ADAMTS18: variants seen among roughly 807,000 people sequenced by gnomAD.
The protein encoded by ADAMTS18 is A disintegrin and metalloproteinase with thrombospondin motifs 18.
ADAMTS18 carries 157 observed loss-of-function variants against 165.9 expected under a neutral mutation model. That is an observed-to-expected ratio of 0.95 (90% CI 0.83 to 1.08). The LOEUF (loss-of-function observed/expected upper bound fraction) is 1.08, where lower values mean the gene tolerates loss of function less well. Ranked by LOEUF, ADAMTS18 falls within the 50% of genes least tolerant of loss-of-function variation. ADAMTS18 has a pLI of 0.00. For synonymous variants in ADAMTS18, 782 were observed against 578.2 expected (o/e 1.35, Z -5.06); for missense variants, 2,040 against 1,534.0 (o/e 1.33, Z -5.51).
intron 11 of ADAMTS18, among the ~76,000 whole-genome samples, chr16:77,339,919 C>T (rs79635780): frequency 0.025 from 3,773 of 152,250 alleles, 64 homozygotes; most frequent in South Asian, 0.052. Flanking sequence ...AAATCTGTGC[C>T]TTTGCCTCTG....
intron 3 of ADAMTS18, among the ~76,000 whole-genome samples, chr16:77,427,062 T>G (rs564952459): frequency 2.6e-5 from 4 of 152,290 alleles, no homozygotes; most frequent in East Asian, 3.9e-4. Flanking sequence ...GTCTAACAAG[T>G]TCCAAAAATA....
intron 3 of ADAMTS18, among the ~76,000 whole-genome samples, chr16:77,421,493 C>T (rs532315839): frequency 2.2e-4 from 34 of 152,370 alleles, no homozygotes; most frequent in African/African-American, 7.7e-4. Flanking sequence ...ACCACTTTCT[C>T]TTAAACTGTT....
chr16:77,289,961 C>T (rs1430435227), intron 21 of ADAMTS18, among the ~76,000 whole-genome samples: 2 of 152,172 alleles, frequency 1.3e-5, no homozygotes, highest in Non-Finnish European at 1.5e-5. Context: ...GACAACTCAA[C>T]TGTCTTTCTT....
At chr16:77,289,628 C>G (rs568247158) in intron 21 of ADAMTS18, among the ~76,000 whole-genome samples, 1 of 152,340 alleles carries the variant, frequency 6.6e-6, no homozygotes, top group African/African-American at 2.4e-5. Context: ...TGCTATCTAT[C>G]TAGCCCAAGA....
chr16:77,422,251 C>G (rs1225526634), intron 3 of ADAMTS18, among the ~76,000 whole-genome samples: 1 of 152,050 alleles, frequency 6.6e-6, no homozygotes. Flanking sequence ...ATATAAAGCT[C>G]TCAGCCCCAC....
chr16:77,299,811 A>G (rs1029763759), intron 17 of ADAMTS18, among the ~76,000 whole-genome samples: 1 of 152,190 alleles, frequency 6.6e-6, no homozygotes, highest in African/African-American at 2.4e-5. Context: ...CTGAGGGGAT[A>G]TCCATGTTTC....
chr16:77,353,407 A>G (rs2144713219), intron 10 of ADAMTS18, among the ~76,000 whole-genome samples: 1 of 152,308 alleles, frequency 6.6e-6, no homozygotes, highest in Non-Finnish European at 1.5e-5. Flanking sequence ...TTAACAGGGA[A>G]TAGGATCATA....
rs1013637815 is a variant in ADAMTS18, at chr16:77,434,852, C to T, written c.-157G>A. ...ACATCGCAGCGGGGGCGCGCTGGGA[C>T]CTCCCCTCCTCCGGCCGCCTGCGCG... On this transcript the variant is annotated 5_prime_UTR_variant, in exon 1 of 23. Transcript: ENST00000282849. 5.6e-6 allele frequency: 3 copies of T among 533,994 alleles called. No individual in the cohort carries two copies. The highest frequency in any genetic ancestry group is 9.2e-5 in the Admixed American group (2 of 21,762). 33.1% of individuals were successfully genotyped at this position (533,994 alleles called of 1,614,324 possible). A position where few individuals can be genotyped will look rare whatever the true frequency, so the allele number is the denominator to read the frequency against.
chr16:77,365,376 A>G (rs965874101), intron 4 of ADAMTS18, among the ~76,000 whole-genome samples: 2 of 152,220 alleles, frequency 1.3e-5, no homozygotes, highest in Admixed American at 6.5e-5. Context: ...TCTAAATAAA[A>G]TGTAAACAGC....
chr16:77,361,198 A>G (rs2056708076), intron 7 of ADAMTS18, among the ~76,000 whole-genome samples: 1 of 152,298 alleles, frequency 6.6e-6, no homozygotes, highest in Admixed American at 6.5e-5. Context: ...TAGCTGCCAC[A>G]GAGACCTGTG....
At chr16:77,328,152 G>C (rs1481944342) in intron 12 of ADAMTS18, among the ~76,000 whole-genome samples, 1 of 152,012 alleles carries the variant, frequency 6.6e-6, no homozygotes, top group Non-Finnish European at 1.5e-5. Context: ...GATCTTGGTA[G>C]GCAGATTCTA....
chr16:77,433,370 G>A (rs1171833991), intron 2 of ADAMTS18: 1 of 152,278 alleles, frequency 6.6e-6, no homozygotes. Flanking sequence ...TTGTTTCCAA[G>A]GGGAGAATAA....
chr16:77,316,808 T>C (rs1237858759), intron 16 of ADAMTS18, among the ~76,000 whole-genome samples: 3 of 152,116 alleles, frequency 2.0e-5, no homozygotes, highest in Non-Finnish European at 2.9e-5. Flanking sequence ...TAGCTGGGAC[T>C]ACAGGCATGC....
chr16:77,311,065 G>C lies in ADAMTS18; in HGVS notation c.2532+8784C>G, dbSNP rs2055770594. Among the ~76,000 whole-genome samples the C allele has an allele frequency of 1.3e-5, 2 of 152,020 alleles. 1 individual carries two copies. Among genetic ancestry groups the C allele is most frequent in the Non-Finnish European group, 2.9e-5 (2 of 68,024 alleles). On this transcript the variant is annotated intron_variant, in intron 16 of 22. Transcript: ENST00000282849. ...GCAGATGAAAATGAAATTTAGCTAA[G>C]ATATGGGAAGAATATGATGTCATAC...
At chr16:77,339,185 C>T (rs2056359977) in intron 11 of ADAMTS18, among the ~76,000 whole-genome samples, 1 of 151,046 alleles carries the variant, frequency 6.6e-6, no homozygotes, top group Non-Finnish European at 1.5e-5. Flanking sequence ...TACAGTCTAA[C>T]AAGCAGCCAG....
Position 77,379,813 on chromosome 16 carries a change from G to C in ADAMTS18, c.496-12090C>G, listed in dbSNP as rs952514113. 3.3e-5 allele frequency among the ~76,000 whole-genome samples: 5 copies of C among 152,204 alleles called. No individual in the cohort carries two copies. The East Asian group carries it at 5.8e-4, about 18-fold the overall frequency. ...CCCCTATCTGTTTAAGATGAGTCAG[G>C]TAAAGGCCCTCCCCTTCCCAGTGAA... On this transcript the variant is annotated intron_variant, in intron 3 of 22. Coordinates refer to ENST00000282849, the MANE Select transcript of ADAMTS18 (RefSeq NM_199355.4).
chr16:77,402,708 A>G (rs2057346501), intron 3 of ADAMTS18, among the ~76,000 whole-genome samples: 1 of 152,226 alleles, frequency 6.6e-6, no homozygotes, highest in African/African-American at 2.4e-5. Context: ...CATTTTCACA[A>G]AACAAAGTGA....
chr16:77,355,202 TTGTGTGTG>T (rs141620918), intron 9 of ADAMTS18, among the ~76,000 whole-genome samples: 155 of 146,698 alleles, frequency 1.1e-3, no homozygotes, highest in African/African-American at 3.7e-3. Context: ...AAAGGTAGGA[TTGTGTGTG>T]TGTGTGTGTG....
chr16:77,431,058 A>G (rs1359151741), intron 3 of ADAMTS18, among the ~76,000 whole-genome samples: 1 of 152,260 alleles, frequency 6.6e-6, no homozygotes, highest in Non-Finnish European at 1.5e-5. Context: ...ATGGAGAATG[A>G]AAAGTCCCAG....
Sources: gnomAD v4.1 joint callset for allele counts (sites outside exome capture counted in the v4.1 genomes callset) on GRCh38, gnomAD v4.1.1 for gene constraint, MANE v1.5 for transcripts, NCBI Gene and HGNC (gene_info 2026-07-23, HGNC 2026-07-21) for gene names.